Variants in HTR4 observed in about 807,000 individuals in gnomAD.
The protein encoded by HTR4 is 5-hydroxytryptamine (serotonin) receptor 4, G protein-coupled.
Under a neutral mutation model 36.8 loss-of-function variants are expected in HTR4, and 16 were observed. That is an observed-to-expected ratio of 0.43 (90% confidence interval 0.29 to 0.66). The LOEUF (loss-of-function observed/expected upper bound fraction) is 0.66. Ranked by LOEUF, HTR4 falls within the 30% of genes least tolerant of loss-of-function variation. The pLI, the probability that HTR4 is intolerant of heterozygous loss-of-function variation, is 0.13. For synonymous variants in HTR4, 189 were observed against 185.1 expected (o/e 1.02, Z -0.17); for missense variants, 438 against 490.9 (o/e 0.89, Z 1.02).
chr5:148,584,601 A>G (rs540692081), intron 2 of HTR4, among the ~76,000 whole-genome samples: 6 of 152,132 alleles, frequency 3.9e-5, no homozygotes, highest in Non-Finnish European at 8.8e-5. Context: ...CTACCTTCCC[A>G]ATAGCCATTC....
At chr5:148,487,495 A>G (rs1401242536) in intron 6 of HTR4, among the ~76,000 whole-genome samples, 1 of 152,174 alleles carries the variant, frequency 6.6e-6, no homozygotes, top group African/African-American at 2.4e-5. Flanking sequence ...CATGAGAACT[A>G]TATTGGGTAC....
intron 2 of HTR4, among the ~76,000 whole-genome samples, chr5:148,607,857 C>A (rs1752245410): frequency 6.6e-6 from 1 of 152,094 alleles, no homozygotes; most frequent in Non-Finnish European, 1.5e-5. Context: ...TTAGGGAAGT[C>A]AACTTTAGGG....
chr5:148,460,414 T>C (rs934096758), intron 5 of HTR4, among the ~76,000 whole-genome samples: 18 of 151,912 alleles, frequency 1.2e-4, no homozygotes, highest in African/African-American at 3.6e-4. Flanking sequence ...AAAATACTTA[T>C]AGAGGAGCAA....
intron 2 of HTR4, among the ~76,000 whole-genome samples, chr5:148,624,871 T>A (rs1753038703): frequency 6.6e-6 from 1 of 152,222 alleles, no homozygotes; most frequent in South Asian, 2.1e-4. Context: ...TCAATGTTTT[T>A]TAAATTCTTC....
chr5:148,491,218 A>G (rs1290939413), intron 6 of HTR4, among the ~76,000 whole-genome samples: 2 of 152,100 alleles, frequency 1.3e-5, no homozygotes, highest in African/African-American at 4.8e-5. Flanking sequence ...GAGCCTGCCT[A>G]GTGGAAAGGG....
chr5:148,654,155 G>A lies in HTR4; in HGVS notation c.-141C>T, dbSNP rs1353367146. 2 of 985,736 alleles carry A rather than the reference G, an allele frequency of 2.0e-6. No individual in the cohort carries two copies. Among genetic ancestry groups the A allele is most frequent in the Non-Finnish European group, 2.4e-6 (2 of 830,108 alleles). The allele number at this position is 985,736 out of a possible 1,614,324, so 61.1% of individuals were successfully genotyped here. ...AGCTTCTGCTGCCGCCGCTGCCGCT[G>A]CGCTCCCAGCCGCTGCCTGCGCCCT... On this transcript the variant is annotated 5_prime_UTR_variant, in exon 1 of 7. Transcript: ENST00000377888.
At chr5:148,616,116 G>A (rs902195144) in intron 2 of HTR4, among the ~76,000 whole-genome samples, 2 of 152,220 alleles carry the variant, frequency 1.3e-5, no homozygotes, top group Non-Finnish European at 1.5e-5. Flanking sequence ...GCATCTGCAC[G>A]AAGGAGAAAT....
At chr5:148,529,287 C>T (rs868345814) in intron 4 of HTR4, among the ~76,000 whole-genome samples, 1 of 152,274 alleles carries the variant, frequency 6.6e-6, no homozygotes, top group South Asian at 2.1e-4. Flanking sequence ...TATGGTTTGG[C>T]TGTGTACCCA....
intron 2 of HTR4, among the ~76,000 whole-genome samples, chr5:148,618,563 T>A (rs1320354543): frequency 6.6e-6 from 1 of 152,224 alleles, no homozygotes; most frequent in East Asian, 1.9e-4. Flanking sequence ...TGGGATCTGA[T>A]AATAACTCTC....
In HTR4 at chr5:148,486,210, G is replaced by T. The variant is rs977455276; in HGVS notation, c.1077-2917C>A. Among the ~76,000 whole-genome samples the T allele has an allele frequency of 1.1e-4, 17 of 152,248 alleles. 1 individual carries two copies. The South Asian group carries it at 3.1e-3, about 28-fold the overall frequency. ...TTGGCTCATAGCCGCAGTTCTCATT[G>T]TTATATTTACATAATTGTTCACAGT... On this transcript the variant is annotated intron_variant, in intron 6 of 6. Coordinates refer to ENST00000377888, the MANE Select transcript of HTR4 (RefSeq NM_000870.7).
chr5:148,586,079 A>G (rs1761336648), intron 2 of HTR4, among the ~76,000 whole-genome samples: 1 of 152,080 alleles, frequency 6.6e-6, no homozygotes, highest in African/African-American at 2.4e-5. Flanking sequence ...CAGCTCATAT[A>G]TATAACCAGC....
At chr5:148,476,052 G>A (rs932142739), downstream of HTR4, among the ~76,000 whole-genome samples, 5 of 152,212 alleles carry the variant, frequency 3.3e-5, no homozygotes, top group South Asian at 1.0e-3. Flanking sequence ...GCAGAAAGGT[G>A]CAGAGACATT....
intron 2 of HTR4, among the ~76,000 whole-genome samples, chr5:148,610,082 G>A (rs912291587): frequency 6.6e-6 from 1 of 152,198 alleles, no homozygotes; most frequent in African/African-American, 2.4e-5. Flanking sequence ...CTAATATGAT[G>A]TTGTCCTTCC....
intron 5 of HTR4, among the ~76,000 whole-genome samples, chr5:148,514,843 C>T (rs1019559810): frequency 3.9e-5 from 6 of 152,038 alleles, no homozygotes; most frequent in Non-Finnish European, 8.8e-5. Context: ...AGTAGAGTAA[C>T]ACCAACTTTC....
intron 6 of HTR4, among the ~76,000 whole-genome samples, chr5:148,504,116 A>C (rs918356437): frequency 1.3e-5 from 2 of 152,216 alleles, no homozygotes; most frequent in African/African-American, 4.8e-5. Context: ...ATATCCAAGA[A>C]TTAAACTCAG....
intron 5 of HTR4, among the ~76,000 whole-genome samples, chr5:148,471,190 G>A (rs990573767): frequency 6.6e-6 from 1 of 152,150 alleles, no homozygotes; most frequent in African/African-American, 2.4e-5. Context: ...TAGGGATACT[G>A]TACTTTCTCC....
downstream of HTR4, chr5:148,476,885 A>G: frequency 7.5e-7 from 1 of 1,336,328 alleles, no homozygotes; most frequent in Non-Finnish European, 1.0e-6. Context: ...GCTGGAAAAG[A>G]CTTCAGGTAG....
chr5:148,555,325 A>C (rs573204269), intron 2 of HTR4, among the ~76,000 whole-genome samples: 130 of 152,354 alleles, frequency 8.5e-4, no homozygotes, highest in African/African-American at 3.0e-3. Flanking sequence ...CTGGCTCCAG[A>C]GAAGGTACAT....
intron 5 of HTR4, 47 bp downstream of exon 5, chr5:148,523,146 C>A (rs1413265717): frequency 1.3e-6 from 2 of 1,520,912 alleles, no homozygotes; most frequent in South Asian, 1.2e-5. Context: ...GAACCCCATG[C>A]AAAGTTGATC....
Sources: gnomAD v4.1 joint callset for allele counts (sites outside exome capture counted in the v4.1 genomes callset) on GRCh38, gnomAD v4.1.1 for gene constraint, MANE v1.5 for transcripts, NCBI Gene and HGNC (gene_info 2026-07-23, HGNC 2026-07-21) for gene names.